Variants in MARCHF4 observed in about 807,000 individuals in gnomAD.
MARCHF4 encodes the protein membrane associated ring-CH-type finger 4.
In MARCHF4, 14 loss-of-function variants were observed where a neutral mutation model predicts 43.9. That is an observed-to-expected ratio of 0.32 (90% CI 0.21 to 0.50). The LOEUF (loss-of-function observed/expected upper bound fraction) is 0.50, where lower values mean the gene tolerates loss of function less well. Ranked by LOEUF, MARCHF4 falls within the 20% of genes least tolerant of loss-of-function variation. The probability of loss-of-function intolerance (pLI) is 0.98; values close to 1 mark genes in which losing one functional copy is unlikely to be tolerated. For missense variants in MARCHF4, 468 were observed against 536.7 expected (o/e 0.87, Z 1.27); for synonymous variants, 226 against 213.3 (o/e 1.06, Z -0.52).
chr2:216,310,126 A>G (rs1428904013), intron 1 of MARCHF4, among the ~76,000 whole-genome samples: 2 of 152,198 alleles, frequency 1.3e-5, no homozygotes, highest in Non-Finnish European at 2.9e-5. Flanking sequence ...ACCCAGTGCA[A>G]TCACTCAAGT....
At chr2:216,266,150 A>G (rs1690841390) in intron 3 of MARCHF4, 1 of 152,226 alleles carries the variant, frequency 6.6e-6, no homozygotes, top group African/African-American at 2.4e-5. Flanking sequence ...GAGTTAACTT[A>G]CCAGTGAGTA....
chr2:216,335,865 C>T (rs1318095338), intron 1 of MARCHF4, among the ~76,000 whole-genome samples: 7 of 151,882 alleles, frequency 4.6e-5, no homozygotes, highest in Non-Finnish European at 8.8e-5. Context: ...GTCAGGAGTT[C>T]AAGACCAGCC....
intron 3 of MARCHF4, among the ~76,000 whole-genome samples, chr2:216,264,317 T>C (rs1311965645): frequency 1.3e-5 from 2 of 152,194 alleles, no homozygotes; most frequent in African/African-American, 4.8e-5. Context: ...GTCCTTGTAC[T>C]AAATCTCCTG....
intron 1 of MARCHF4, among the ~76,000 whole-genome samples, chr2:216,345,720 G>C (rs1188669152): frequency 1.3e-5 from 2 of 152,124 alleles, no homozygotes; most frequent in African/African-American, 2.4e-5. Flanking sequence ...TGAATTAGAA[G>C]TACCTGCATG....
intron 1 of MARCHF4, among the ~76,000 whole-genome samples, chr2:216,330,794 C>T (rs980601783): frequency 2.6e-5 from 4 of 151,976 alleles, no homozygotes; most frequent in African/African-American, 9.7e-5. Flanking sequence ...AAATTTCATC[C>T]TTAATAATAA....
At chr2:216,367,062 A>G (rs1031809222) in intron 1 of MARCHF4, among the ~76,000 whole-genome samples, 2 of 152,222 alleles carry the variant, frequency 1.3e-5, no homozygotes, top group African/African-American at 4.8e-5. Flanking sequence ...GGAAAAGATC[A>G]AATACTCATT....
intron 2 of MARCHF4, among the ~76,000 whole-genome samples, chr2:216,281,793 A>G (rs1267562951): frequency 1.3e-5 from 2 of 152,356 alleles, no homozygotes; most frequent in Middle Eastern, 3.4e-3. Flanking sequence ...AGAAACTCAC[A>G]GTGGAAGACA....
intron 1 of MARCHF4, among the ~76,000 whole-genome samples, chr2:216,310,163 A>C (rs1481638168): frequency 6.6e-6 from 1 of 152,228 alleles, no homozygotes; most frequent in African/African-American, 2.4e-5. Context: ...CAACTTTGCT[A>C]CCAAGTGGTC....
intron 1 of MARCHF4, among the ~76,000 whole-genome samples, chr2:216,304,582 C>T (rs1447158360): frequency 2.6e-5 from 4 of 152,198 alleles, no homozygotes; most frequent in Non-Finnish European, 5.9e-5. Context: ...ATAGGAGATG[C>T]ATCATTCCTA....
At chr2:216,305,075 C>A (rs1691561661) in intron 1 of MARCHF4, among the ~76,000 whole-genome samples, 1 of 151,564 alleles carries the variant, frequency 6.6e-6, no homozygotes, top group African/African-American at 2.4e-5. Context: ...TACTACCTCA[C>A]AAGGGTACCC....
intron 1 of MARCHF4, among the ~76,000 whole-genome samples, chr2:216,353,916 C>T (rs989816010): frequency 6.6e-6 from 1 of 152,164 alleles, no homozygotes; most frequent in Admixed American, 6.5e-5. Flanking sequence ...GAAACATGAG[C>T]TAGTGGCTGT....
Position 216,263,518 on chromosome 2 carries a change from AG to A in MARCHF4, c.866-3840del, listed in dbSNP as rs1559280556. Among the ~76,000 whole-genome samples the A allele has an allele frequency of 4.4e-3, 639 of 146,226 alleles. 11 individuals carry two copies. Among genetic ancestry groups the A allele is most frequent in the African/African-American group, 0.015 (579 of 39,258 alleles). On this transcript the variant is annotated intron_variant, in intron 3 of 3. Transcript: ENST00000273067. ...AAGAGAGAGAGAGAGAGAGAGAGAGAGAGAGAGAGAGAGAGAGAGAAAGAGA... is the reference window on the plus strand; with the variant it reads ...AAGAGAGAGAGAGAGAGAGAGAGAGAAGAGAGAGAGAGAGAGAGAAAGAGA...
intron 1 of MARCHF4, among the ~76,000 whole-genome samples, chr2:216,363,422 T>C (rs377155370): frequency 9.8e-5 from 15 of 152,362 alleles, no homozygotes; most frequent in East Asian, 9.6e-4. Flanking sequence ...TCCGTGCTTA[T>C]GCGTGAGCAA....
rs549690254 is a variant in MARCHF4 at position 216,314,388 on chromosome 2, A to G, written c.517-30659T>C. Among the ~76,000 whole-genome samples, 529 of 151,372 alleles carry G rather than the reference A, an allele frequency of 3.5e-3. 4 individuals carry two copies. Among genetic ancestry groups the G allele is most frequent in the African/African-American group, 0.012 (505 of 41,074 alleles). On this transcript the variant is annotated intron_variant, in intron 1 of 3. Coordinates refer to ENST00000273067, the MANE Select transcript of MARCHF4 (RefSeq NM_020814.3). The stretch of plus-strand genomic sequence containing the variant: ...GCCCAGGCTGGAGTGCAGTGGTGCA[A>G]TCTCAGCTAACTGCAACCTCTGCCT...
intron 1 of MARCHF4, among the ~76,000 whole-genome samples, chr2:216,359,736 C>G (rs1396539142): frequency 6.6e-6 from 1 of 152,208 alleles, no homozygotes; most frequent in Non-Finnish European, 1.5e-5. Context: ...GCTGAGACCC[C>G]TTCTAAAAGC....
At position 216,370,261 on chromosome 2, in the gene MARCHF4, GTGCCCC is replaced by G; in HGVS notation, c.-7_-2del. 1 of 1,595,880 alleles carries G rather than the reference GTGCCCC, an allele frequency of 6.3e-7. No individual in the cohort carries two copies. Among genetic ancestry groups the G allele is most frequent in the Non-Finnish European group, 8.6e-7 (1 of 1,168,366 alleles). Reference sequence around the variant, plus strand: ...GCAGCCCACACAGGGGCATCAGCATGTGCCCCGTGGAAGTAGAGAGCCCAAGAGGGG... The same window carrying G: ...GCAGCCCACACAGGGGCATCAGCATGGTGGAAGTAGAGAGCCCAAGAGGGG... On this transcript the variant is annotated 5_prime_UTR_variant, in exon 1 of 4. Transcript: ENST00000273067.
In MARCHF4 at chr2:216,337,922, G is replaced by C. The variant is rs535218279; in HGVS notation, c.516+31823C>G. On this transcript the variant is annotated intron_variant, in intron 1 of 3. Transcript: ENST00000273067. ...GGAGGAAGACACTCCTAGAAGTTCA[G>C]ACTCTAGTGGAAGAGACAGATATTT... 2.1e-4 allele frequency among the ~76,000 whole-genome samples: 32 copies of C among 152,292 alleles called. No homozygotes were observed. The South Asian group carries it at 6.0e-3, about 29-fold the overall frequency.
chr2:216,303,940 G>A (rs1178066660), intron 1 of MARCHF4, among the ~76,000 whole-genome samples: 1 of 152,172 alleles, frequency 6.6e-6, no homozygotes, highest in African/African-American at 2.4e-5. Flanking sequence ...CACTTCATGG[G>A]CAGGTCAAGA....
chr2:216,342,824 TG>T (rs1178429709), intron 1 of MARCHF4, among the ~76,000 whole-genome samples: 1 of 152,164 alleles, frequency 6.6e-6, no homozygotes, highest in African/African-American at 2.4e-5. Flanking sequence ...CTGCTGCTCC[TG>T]GGTTCCAGTC....
Sources: gnomAD v4.1 joint callset for allele counts (sites outside exome capture counted in the v4.1 genomes callset) on GRCh38, gnomAD v4.1.1 for gene constraint, MANE v1.5 for transcripts, NCBI Gene and HGNC (gene_info 2026-07-23, HGNC 2026-07-21) for gene names.